The following OR3A2 variants were observed in gnomAD, a reference collection of about 807,000 sequenced individuals.
The protein encoded by OR3A2 is olfactory receptor family 3 subfamily A member 2, also known as olfactory receptor 3A2.
For synonymous variants in OR3A2, 126 were observed against 159.3 expected (o/e 0.79, Z 1.57); for missense variants, 318 against 392.8 (o/e 0.81, Z 1.61).
In OR3A2 at chr17:3,365,241, T is replaced by C. The variant is rs775234324; in HGVS notation, c.-179+18563A>G. Among the ~76,000 whole-genome samples, 31 of 152,338 alleles carry C rather than the reference T, an allele frequency of 2.0e-4. No homozygotes were observed. The East Asian group carries it at 2.9e-3, about 14-fold the overall frequency. On this transcript the variant is annotated intron_variant, in intron 2 of 4. Transcript: ENST00000573491. Reference sequence around the variant, plus strand: ...TGTGGGGGTATACCAGAAAATAAGATTGATGGGATCTTACACAAAGCATAC... The same window carrying C: ...TGTGGGGGTATACCAGAAAATAAGACTGATGGGATCTTACACAAAGCATAC...
chr17:3,345,036 G>T (rs982805523), intron 2 of OR3A2, among the ~76,000 whole-genome samples: 1 of 152,130 alleles, frequency 6.6e-6, no homozygotes, highest in East Asian at 1.9e-4. Context: ...AAACCAAGAA[G>T]AATAAAATGA....
At chr17:3,371,861 T>C (rs2049629182) in intron 2 of OR3A2, among the ~76,000 whole-genome samples, 1 of 128,064 alleles carries the variant, frequency 7.8e-6, no homozygotes, top group Non-Finnish European at 1.6e-5. Context: ...ACGGGGCGGC[T>C]GGCCGGGAGG....
intron 2 of OR3A2, among the ~76,000 whole-genome samples, chr17:3,349,752 C>T (rs2049402977): frequency 6.6e-6 from 1 of 151,392 alleles, no homozygotes; most frequent in African/African-American, 2.4e-5. Flanking sequence ...CCACACCACA[C>T]CTATTCCAAA....
chr17:3,292,620 C>A, intron 3 of OR3A2: 5 of 1,471,570 alleles, frequency 3.4e-6, no homozygotes, highest in Admixed American at 2.0e-5. Flanking sequence ...GGAAAAGAAT[C>A]ACTCCTCCCA....
intron 3 of OR3A2, among the ~76,000 whole-genome samples, chr17:3,327,809 A>T (rs2049190225): frequency 7.1e-6 from 1 of 139,960 alleles, no homozygotes; most frequent in Non-Finnish European, 1.5e-5. Context: ...TTTATTAAAT[A>T]GGGAATCCTT....
chr17:3,320,838 C>T (rs1270938046), intron 3 of OR3A2, among the ~76,000 whole-genome samples: 1 of 151,956 alleles, frequency 6.6e-6, no homozygotes, highest in Non-Finnish European at 1.5e-5. Flanking sequence ...GTTCTTTTGG[C>T]TTAGGATTGA....
chr17:3,342,529 C>T (rs2049327674), intron 2 of OR3A2, among the ~76,000 whole-genome samples: 1 of 152,208 alleles, frequency 6.6e-6, no homozygotes, highest in South Asian at 2.1e-4. Context: ...CCCTCAGCTG[C>T]AGGTCTGTTA....
intron 2 of OR3A2, among the ~76,000 whole-genome samples, chr17:3,358,473 G>T (rs1267310935): frequency 5.3e-5 from 8 of 151,600 alleles, no homozygotes; most frequent in African/African-American, 2.0e-4. Flanking sequence ...CTGCTATGTT[G>T]TATCTTTGTT....
At chr17:3,372,194 G>A (rs1192980492) in intron 2 of OR3A2, among the ~76,000 whole-genome samples, 1 of 150,590 alleles carries the variant, frequency 6.6e-6, no homozygotes, top group African/African-American at 2.4e-5. Flanking sequence ...CGGGGCAGCG[G>A]GGCAGAGGCG....
chr17:3,347,334 G>A (rs527935640), intron 2 of OR3A2, among the ~76,000 whole-genome samples: 24 of 152,032 alleles, frequency 1.6e-4, no homozygotes, highest in African/African-American at 5.5e-4. Context: ...ATTCTGGTGC[G>A]CTGCACCCAC....
chr17:3,365,903 GA>G (rs2049558962), intron 2 of OR3A2, among the ~76,000 whole-genome samples: 1 of 152,174 alleles, frequency 6.6e-6, no homozygotes, highest in Non-Finnish European at 1.5e-5. Context: ...GCATCAAAGG[GA>G]AGACTGAAGA....
At chr17:3,318,981 C>A (rs1029292604) in intron 3 of OR3A2, among the ~76,000 whole-genome samples, 2 of 152,062 alleles carry the variant, frequency 1.3e-5, no homozygotes, top group Non-Finnish European at 2.9e-5. Flanking sequence ...TATTCTATAG[C>A]TTTAAATGTA....
intron 1 of OR3A2, among the ~76,000 whole-genome samples, chr17:3,282,172 T>C (rs934605798): frequency 3.9e-5 from 6 of 152,130 alleles, no homozygotes; most frequent in Admixed American, 3.9e-4. Context: ...CCCAGCACTT[T>C]GGGAGGCTGA....
intron 2 of OR3A2, among the ~76,000 whole-genome samples, chr17:3,355,808 T>C (rs1279554251): frequency 4.6e-5 from 7 of 151,390 alleles, no homozygotes; most frequent in South Asian, 4.1e-4. Context: ...AGTTCATTTA[T>C]ATTCAAAGTT....
chr17:3,366,306 G>A (rs182422375), intron 2 of OR3A2, among the ~76,000 whole-genome samples: 3 of 152,232 alleles, frequency 2.0e-5, no homozygotes, highest in African/African-American at 7.2e-5. Flanking sequence ...CCCCATCCTA[G>A]CTAATCCCAG....
At chr17:3,292,313 G>A in intron 3 of OR3A2, 11 of 1,614,164 alleles carry the variant, frequency 6.8e-6, no homozygotes, top group Non-Finnish European at 8.5e-6. Context: ...CACGCTTGCG[G>A]GACAGGAGAC....
intron 2 of OR3A2, among the ~76,000 whole-genome samples, chr17:3,337,600 G>A (rs1455886116): frequency 6.6e-6 from 1 of 152,074 alleles, no homozygotes; most frequent in Non-Finnish European, 1.5e-5. Context: ...CAAAGGACAT[G>A]AACTCATCAT....
intron 3 of OR3A2, among the ~76,000 whole-genome samples, chr17:3,312,465 C>T (rs1376431243): frequency 6.6e-6 from 1 of 152,106 alleles, no homozygotes; most frequent in Non-Finnish European, 1.5e-5. Context: ...AACACCTGTT[C>T]CCAAAACTGC....
At chr17:3,292,343 A>G in intron 3 of OR3A2, 2 of 1,614,168 alleles carry the variant, frequency 1.2e-6, no homozygotes, top group Non-Finnish European at 1.7e-6. Context: ...TTGATGGAAC[A>G]GTGACGCTGA....
Sources: gnomAD v4.1 joint callset for allele counts (sites outside exome capture counted in the v4.1 genomes callset) on GRCh38, gnomAD v4.1.1 for gene constraint, MANE v1.5 for transcripts, NCBI Gene and HGNC (gene_info 2026-07-23, HGNC 2026-07-21) for gene names.